The following TPD52L1 variants were observed in gnomAD, a reference collection of about 807,000 sequenced individuals.
TPD52L1 encodes TPD52 like 1.
A neutral mutation model predicts 28.7 loss-of-function variants in TPD52L1; 18 were observed. The ratio of observed to expected loss-of-function variants is 0.63; its 90% CI spans 0.43 to 0.93. The LOEUF is 0.93. TPD52L1 is among the 40% of genes least tolerant of loss of function. The pLI is 0.00. For synonymous variants in TPD52L1, 75 were observed against 88.8 expected, an observed-to-expected ratio of 0.84 and a Z score of 0.88; for missense variants, 203 against 254.8, an observed-to-expected ratio of 0.80 and a Z score of 1.39.
intron 4 of TPD52L1, among the ~76,000 whole-genome samples, chr6:125,249,000 A>T (rs1797089940): frequency 6.6e-6 from 1 of 151,964 alleles, no homozygotes; most frequent in South Asian, 2.1e-4. Flanking sequence ...ATTATTTTCA[A>T]TATTTCACTG....
chr6:125,227,177 G>C (rs1795661943), intron 2 of TPD52L1, among the ~76,000 whole-genome samples: 1 of 152,200 alleles, frequency 6.6e-6, no homozygotes, highest in Admixed American at 6.5e-5. Flanking sequence ...AGGACATTTT[G>C]CTGATATTAA....
chr6:125,211,257 A>ATCTG (rs140587319), intron 1 of TPD52L1, among the ~76,000 whole-genome samples: 243 of 125,862 alleles, frequency 1.9e-3, no homozygotes, highest in African/African-American at 6.8e-3. Context: ...AGATATATGG[A>ATCTG]TCTGTCTATC....
intron 3 of TPD52L1, among the ~76,000 whole-genome samples, chr6:125,240,413 G>A (rs114390121): frequency 0.063 from 9,521 of 152,134 alleles, 1,000 homozygotes; most frequent in African/African-American, 0.21. Flanking sequence ...GATTGCTATT[G>A]GCAGTATGGT....
intron 2 of TPD52L1, among the ~76,000 whole-genome samples, chr6:125,227,036 AG>A (rs1162874605): frequency 2.6e-5 from 4 of 152,222 alleles, no homozygotes; most frequent in Admixed American, 2.6e-4. Flanking sequence ...TTGCTCATCA[AG>A]GAAAGACAGG....
chr6:125,164,621 A>G (rs1790756384), intron 1 of TPD52L1, among the ~76,000 whole-genome samples: 1 of 152,176 alleles, frequency 6.6e-6, no homozygotes, highest in East Asian at 1.9e-4. Context: ...CCAAAAAAGA[A>G]AGCATTTTAT....
intron 3 of TPD52L1, among the ~76,000 whole-genome samples, chr6:125,241,525 A>G (rs1796610631): frequency 1.3e-5 from 2 of 151,590 alleles, no homozygotes; most frequent in Admixed American, 6.6e-5. Context: ...CAGAGTTTCT[A>G]TTTCTTCCTG....
intron 1 of TPD52L1, among the ~76,000 whole-genome samples, chr6:125,165,484 C>T (rs905645376): frequency 2.0e-5 from 3 of 152,158 alleles, no homozygotes; most frequent in South Asian, 2.1e-4. Flanking sequence ...AACCACAAAT[C>T]TCCAAGAATA....
At chr6:125,235,878 A>AT (rs1796237275) in intron 3 of TPD52L1, among the ~76,000 whole-genome samples, 1 of 152,164 alleles carries the variant, frequency 6.6e-6, no homozygotes, top group Non-Finnish European at 1.5e-5. Flanking sequence ...CCAAGTCTAT[A>AT]TATATATAAA....
At chr6:125,210,132 A>G (rs1363021029) in intron 1 of TPD52L1, among the ~76,000 whole-genome samples, 3 of 152,232 alleles carry the variant, frequency 2.0e-5, no homozygotes, top group African/African-American at 7.2e-5. Flanking sequence ...GAAGTCAAAT[A>G]ATCAGGCCTC....
intron 1 of TPD52L1, among the ~76,000 whole-genome samples, chr6:125,166,204 ATC>A: frequency 6.6e-6 from 1 of 152,296 alleles, no homozygotes; most frequent in South Asian, 2.1e-4. Flanking sequence ...ATCTCTTCAG[ATC>A]TCTCAGTTTT....
chr6:125,172,552 A>ATATAT (rs71024714), intron 1 of TPD52L1, among the ~76,000 whole-genome samples: 2 of 72,374 alleles, frequency 2.8e-5, no homozygotes, highest in African/African-American at 1.2e-4. Flanking sequence ...ATATATATAT[A>ATATAT]ATATATATAC....
chr6:125,240,878 G>A (rs887170004), intron 3 of TPD52L1, among the ~76,000 whole-genome samples: 1 of 152,090 alleles, frequency 6.6e-6, no homozygotes, highest in Admixed American at 6.6e-5. Flanking sequence ...TAGAAGTGGT[G>A]AAAGTGGGCA....
chr6:125,220,221 T>G (rs1245756780), intron 2 of TPD52L1, 28 bp downstream of exon 2: 1 of 1,403,312 alleles, frequency 7.1e-7, no homozygotes, highest in South Asian at 1.2e-5. Context: ...ATTGTTGCTA[T>G]TTCTATCTCT....
chr6:125,262,696 C>A, intron 6 of TPD52L1, 138 bp from the exon 7 acceptor site: 1 of 1,202,772 alleles, frequency 8.3e-7, no homozygotes, highest in Non-Finnish European at 1.1e-6. Context: ...AGGAAACAAA[C>A]TTCTGTGCAT....
chr6:125,206,101 G>A (rs1794115438), intron 1 of TPD52L1, among the ~76,000 whole-genome samples: 1 of 152,182 alleles, frequency 6.6e-6, no homozygotes. Flanking sequence ...TTCTCAGGCT[G>A]AGCATTGCAG....
chr6:125,181,419 C>T (rs1007097978), intron 1 of TPD52L1, among the ~76,000 whole-genome samples: 2 of 152,132 alleles, frequency 1.3e-5, no homozygotes, highest in Non-Finnish European at 2.9e-5. Context: ...TCAAGAGGTG[C>T]TCGCTGTTTT....
Position 125,263,376 on chromosome 6 carries a change from T to G in TPD52L1, c.*414T>G. 6.1e-6 allele frequency: 1 copy of G among 163,620 alleles called. No individual in the cohort carries two copies. Among genetic ancestry groups the G allele is most frequent in the Non-Finnish European group, 1.3e-5 (1 of 74,770 alleles). The allele number at this position is 163,620 out of a possible 1,614,324, so 10.1% of individuals were successfully genotyped here. ...TCAGCAGATCAACAGGATGGAGCTC[T>G]TCATGACTGTCTCCAGCAATAGGAT... On this transcript the variant is annotated 3_prime_UTR_variant, in exon 7 of 7. Coordinates refer to ENST00000534000, the MANE Select transcript of TPD52L1 (RefSeq NM_003287.4).
chr6:125,207,215 T>C (rs949920706), intron 1 of TPD52L1, among the ~76,000 whole-genome samples: 1 of 152,140 alleles, frequency 6.6e-6, no homozygotes, highest in Non-Finnish European at 1.5e-5. Context: ...TAAGCCCAGA[T>C]GGAGTCTTGA....
At position 125,238,569 on chromosome 6, in the gene TPD52L1, C is replaced by T. The variant is rs945484218; in HGVS notation, c.284+9303C>T. Among the ~76,000 whole-genome samples the T allele has an allele frequency of 3.3e-5, 5 of 152,050 alleles. 1 individual carries two copies. In the South Asian group the frequency reaches 6.2e-4, roughly 19 times the overall value. ...TCGTTCTTATGCCTTTGCATCCTCA[C>T]GGCTTAGTTCCCACTTAGAAATGAG... is the stretch of plus-strand genomic sequence containing the variant. On this transcript the variant is annotated intron_variant, in intron 3 of 6. Coordinates refer to ENST00000534000, the MANE Select transcript of TPD52L1 (RefSeq NM_003287.4).
Sources: gnomAD v4.1 joint callset for allele counts (sites outside exome capture counted in the v4.1 genomes callset) on GRCh38, gnomAD v4.1.1 for gene constraint, MANE v1.5 for transcripts, NCBI Gene and HGNC (gene_info 2026-07-23, HGNC 2026-07-21) for gene names.